The following CAST variants were observed in gnomAD, a reference collection of about 807,000 sequenced individuals.
CAST encodes the protein calpastatin.
CAST carries 76 observed loss-of-function variants against 119.6 expected under a neutral mutation model. The observed-to-expected ratio is 0.64, with a 90% CI of 0.53 to 0.77. The LOEUF (loss-of-function observed/expected upper bound fraction) is 0.77, where lower values mean the gene tolerates loss of function less well. Among genes scored for constraint, CAST ranks in the 30% least tolerant of loss-of-function variants. CAST has a pLI of 0.00. For missense variants in CAST, 953 were observed against 946.5 expected (o/e 1.01, Z -0.09); for synonymous variants, 319 against 331.6 (o/e 0.96, Z 0.41).
At chr5:96,454,637 G>A in the CAST span, among the ~76,000 whole-genome samples, 2 of 152,212 alleles carry the variant, frequency 1.3e-5, no homozygotes, top group Non-Finnish European at 2.9e-5. Flanking sequence ...CTCAACACTG[G>A]AAGACCCAGT....
intron 4 of CAST, among the ~76,000 whole-genome samples, chr5:96,723,910 C>A (rs1037765271): frequency 2.6e-5 from 4 of 152,276 alleles, no homozygotes; most frequent in African/African-American, 9.6e-5. Flanking sequence ...GGTGATGTGG[C>A]ACTATAACTT....
At chr5:96,197,262 C>G in the CAST span, among the ~76,000 whole-genome samples, 1 of 152,102 alleles carries the variant, frequency 6.6e-6, no homozygotes, top group African/African-American at 2.4e-5. Flanking sequence ...TTCCCACAGC[C>G]TTCTCTTTCC....
chr5:96,458,276 T>C, the CAST span, among the ~76,000 whole-genome samples: 1 of 152,240 alleles, frequency 6.6e-6, no homozygotes, highest in Admixed American at 6.5e-5. Context: ...TGTTTATATG[T>C]TGTCTATGGC....
At chr5:96,726,900 C>T (rs771778710) in intron 5 of CAST, 41 bp downstream of exon 5, 8 of 1,377,054 alleles carry the variant, frequency 5.8e-6, no homozygotes, top group Admixed American at 3.5e-5. Flanking sequence ...TGTTTACTAA[C>T]GGTTACATCA....
chr5:96,087,262 G>C, the CAST span, among the ~76,000 whole-genome samples: 7,432 of 152,232 alleles, frequency 0.049, 412 homozygotes, highest in African/African-American at 0.14. Context: ...ATTTTTTCCT[G>C]TAGTATATAA....
chr5:96,762,444 G>A (rs1768346535), intron 25 of CAST, 72 bp downstream of exon 25: 1 of 1,085,868 alleles, frequency 9.2e-7, no homozygotes, highest in Non-Finnish European at 1.3e-6. Context: ...TAGGGCGCCT[G>A]TTTAAAGCAA....
At chr5:96,453,482 G>T in the CAST span, among the ~76,000 whole-genome samples, 2 of 152,156 alleles carry the variant, frequency 1.3e-5, no homozygotes, top group African/African-American at 4.8e-5. Context: ...ATCAAGAGTG[G>T]ACTAATATAA....
intron 3 of CAST, among the ~76,000 whole-genome samples, chr5:96,713,128 T>C (rs1266249254): frequency 1.4e-5 from 2 of 141,484 alleles, no homozygotes; most frequent in South Asian, 4.5e-4. Context: ...GACCTCAGAA[T>C]TTCTCTTTTT....
the CAST span, chr5:96,400,133 T>C: frequency 6.2e-7 from 1 of 1,614,190 alleles, no homozygotes; most frequent in Non-Finnish European, 8.5e-7. Flanking sequence ...CAGCGGGTCA[T>C]ACTCAGAGGT....
intron 1 of CAST, among the ~76,000 whole-genome samples, chr5:96,674,950 A>T (rs1344720370): frequency 6.6e-6 from 1 of 152,256 alleles, no homozygotes; most frequent in African/African-American, 2.4e-5. Context: ...TGTGTTAATT[A>T]AAAATAAAAT....
At chr5:96,488,505 A>G in the CAST span, among the ~76,000 whole-genome samples, 11 of 152,340 alleles carry the variant, frequency 7.2e-5, no homozygotes, top group African/African-American at 2.6e-4. Flanking sequence ...AATAACTGCC[A>G]TTTCTTTAAT....
At chr5:96,323,832 C>T in the CAST span, among the ~76,000 whole-genome samples, 658 of 152,296 alleles carry the variant, frequency 4.3e-3, 1 homozygote, top group Middle Eastern at 0.01. Context: ...TGCTTCCTTC[C>T]GGTTAACACA....
At chr5:96,282,734 A>G in the CAST span, among the ~76,000 whole-genome samples, 5 of 152,238 alleles carry the variant, frequency 3.3e-5, no homozygotes, top group African/African-American at 1.2e-4. Flanking sequence ...TAATTTTAAG[A>G]ATAATTGCTA....
In CAST at chr5:96,729,713, A is replaced by T; in HGVS notation, c.537A>T (p.Ser179=). 1 of 1,462,236 alleles carries T rather than the reference A, an allele frequency of 6.8e-7. No homozygotes were observed. The highest frequency in any genetic ancestry group is 9.6e-7 in the Non-Finnish European group (1 of 1,041,538). 90.6% of individuals were successfully genotyped at this position (1,462,236 alleles called of 1,614,324 possible). Reference sequence around the variant, plus strand: ...CTGAACAGCAGCCATCAGAGAAATCAACAGAACCAAAGGTAAATGAAGCAG... The same window carrying T: ...CTGAACAGCAGCCATCAGAGAAATCTACAGAACCAAAGGTAAATGAAGCAG... The part of the protein sequence containing the change: ...RSAEQQPSEK[S]TEPKTKPQDM... The change falls in exon 8 of 32, where the codon TCA becomes TCT. Residue 179 remains serine (S), a synonymous_variant. Transcript: ENST00000675179.
chr5:96,346,128 G>C, the CAST span, among the ~76,000 whole-genome samples: 1 of 152,156 alleles, frequency 6.6e-6, no homozygotes, highest in African/African-American at 2.4e-5. Context: ...CAAAATATGA[G>C]TGACATTTAG....
At chr5:96,036,553 C>CT in the CAST span, among the ~76,000 whole-genome samples, 41 of 152,240 alleles carry the variant, frequency 2.7e-4, 1 homozygote, top group East Asian at 7.9e-3. Flanking sequence ...GTCTCTGTCT[C>CT]TAGACTCTCT....
chr5:96,721,972 C>T (rs1758338936), intron 3 of CAST, among the ~76,000 whole-genome samples: 1 of 152,192 alleles, frequency 6.6e-6, no homozygotes, highest in South Asian at 2.1e-4. Context: ...TTGTCTCCAC[C>T]TTCTCTTTCT....
the CAST span, among the ~76,000 whole-genome samples, chr5:96,453,469 G>A: frequency 2.0e-5 from 3 of 152,138 alleles, no homozygotes; most frequent in Non-Finnish European, 4.4e-5. Context: ...ATTTCTTTAC[G>A]AAATCAAGAG....
At chr5:96,732,204 G>A (rs1760674664) in intron 9 of CAST, among the ~76,000 whole-genome samples, 1 of 141,722 alleles carries the variant, frequency 7.1e-6, no homozygotes, top group East Asian at 2.0e-4. Flanking sequence ...TCTAACTGGT[G>A]TGAGATGGTA....
Sources: gnomAD v4.1 joint callset for allele counts (sites outside exome capture counted in the v4.1 genomes callset) on GRCh38, gnomAD v4.1.1 for gene constraint, MANE v1.5 for transcripts, NCBI Gene and HGNC (gene_info 2026-07-23, HGNC 2026-07-21) for gene names.